The following MRE11 variants were observed in gnomAD, a reference collection of about 807,000 sequenced individuals.
MRE11 encodes MRE11 double strand break repair nuclease.
MRE11 carries 62 observed loss-of-function variants against 91.7 expected under a neutral mutation model. The ratio of observed to expected loss-of-function variants is 0.68; its 90% CI spans 0.55 to 0.84. MRE11 has a LOEUF of 0.84. Ranked by LOEUF, MRE11 falls within the 40% of genes least tolerant of loss-of-function variation. The pLI is 0.00. For synonymous variants in MRE11, 273 were observed against 271.4 expected (o/e 1.01, Z -0.06); for missense variants, 796 against 852.9 (o/e 0.93, Z 0.83).
At chr11:94,452,535 C>T (rs558512989) in intron 14 of MRE11, among the ~76,000 whole-genome samples, 1 of 152,256 alleles carries the variant, frequency 6.6e-6, no homozygotes, top group South Asian at 2.1e-4. Flanking sequence ...TAAATATGCC[C>T]TATTATGATT....
intron 18 of MRE11, among the ~76,000 whole-genome samples, chr11:94,434,737 T>C (rs773351666): frequency 1.3e-5 from 2 of 152,154 alleles, no homozygotes; most frequent in African/African-American, 2.4e-5. Flanking sequence ...GCACTCACAC[T>C]TATGGGTCTG....
At chr11:94,475,699 T>C (rs1414157946) in intron 7 of MRE11, 6 of 450,678 alleles carry the variant, frequency 1.3e-5, no homozygotes, top group Non-Finnish European at 2.7e-5. Flanking sequence ...GGAAGAACAC[T>C]TGCATATATG....
the MRE11 span, among the ~76,000 whole-genome samples, chr11:94,506,835 C>A: frequency 6.6e-6 from 1 of 152,112 alleles, no homozygotes; most frequent in Non-Finnish European, 1.5e-5. Flanking sequence ...AGCGATCCTC[C>A]TGCCTTGGCC....
intron 15 of MRE11, 24 bp from the exon 16 acceptor site, chr11:94,445,917 T>A: frequency 1.3e-6 from 2 of 1,533,536 alleles, no homozygotes; most frequent in Non-Finnish European, 1.8e-6. Context: ...GAACAGTCAA[T>A]GTACAAGCCT....
chr11:94,448,416 A>C (rs148094982), intron 14 of MRE11, among the ~76,000 whole-genome samples: 267 of 151,250 alleles, frequency 1.8e-3, no homozygotes, highest in Middle Eastern at 0.01. Context: ...GCCTCCACCA[A>C]AAATACAAAA....
chr11:94,428,329 G>A (rs954869059), intron 19 of MRE11, among the ~76,000 whole-genome samples: 7 of 152,068 alleles, frequency 4.6e-5, no homozygotes, highest in African/African-American at 1.7e-4. Context: ...TAGGATAACC[G>A]GCTAGCAATG....
intron 3 of MRE11, among the ~76,000 whole-genome samples, chr11:94,489,127 T>C (rs765437997): frequency 3.3e-5 from 5 of 151,926 alleles, no homozygotes; most frequent in Non-Finnish European, 7.4e-5. Flanking sequence ...AATAAATTAT[T>C]TCAGATAGTG....
chr11:94,478,711 A>C (rs747068601), intron 6 of MRE11, 24 bp downstream of exon 6: 55 of 1,610,966 alleles, frequency 3.4e-5, no homozygotes, highest in Admixed American at 1.8e-4. Context: ...CATGGACATA[A>C]ACAGTAAAAT....
chr11:94,464,538 C>A (rs1408966637), intron 10 of MRE11, among the ~76,000 whole-genome samples: 1 of 152,084 alleles, frequency 6.6e-6, no homozygotes, highest in Non-Finnish European at 1.5e-5. Flanking sequence ...AGGTACCTAC[C>A]AAGCAAACCA....
intron 6 of MRE11, among the ~76,000 whole-genome samples, chr11:94,478,399 G>C (rs1053605110): frequency 1.3e-5 from 2 of 152,102 alleles, no homozygotes; most frequent in Non-Finnish European, 2.9e-5. Flanking sequence ...TATTATGAAA[G>C]CTGCACAAAA....
At chr11:94,448,306 G>A (rs1946000151) in intron 14 of MRE11, among the ~76,000 whole-genome samples, 1 of 152,090 alleles carries the variant, frequency 6.6e-6, no homozygotes, top group Non-Finnish European at 1.5e-5. Flanking sequence ...GCTGGGCGCA[G>A]TGGCTCACAC....
rs1403179982 is a variant in MRE11 at position 94,420,132 on chromosome 11, C to T, written c.2120G>A (p.Arg707Lys). The change falls in exon 20 of 20, where the codon AGA becomes AAA. Residue 707 changes from arginine (R) to lysine (K), a missense_variant. Physicochemically the swap from Arg to Lys is conservative, Grantham distance 26. Coordinates refer to ENST00000323929, the MANE Select transcript of MRE11 (RefSeq NM_005591.4). Reference sequence around the variant, plus strand: ...TCAGTGCCATTAAATATATTATCTTCTATTTCTTCTTAAAGAACTAGTGTT... The same window carrying T: ...TCAGTGCCATTAAATATATTATCTTTTATTTCTTCTTAAAGAACTAGTGTT... ...FMNTSSLRRN[R>K]R is the part of the protein sequence containing the mutation. 1 of 1,571,342 alleles carries T rather than the reference C, an allele frequency of 6.4e-7. No homozygotes were observed. Among genetic ancestry groups the T allele is most frequent in the East Asian group, 2.3e-5 (1 of 44,442 alleles).
In MRE11 at chr11:94,476,330, A is replaced by G. The variant is rs786201438; in HGVS notation, c.618T>C (p.Asp206=). Residue 206 remains aspartate (D), a synonymous_variant, in exon 7 of 20, where the codon GAT becomes GAC. Coordinates refer to ENST00000323929, the MANE Select transcript of MRE11 (RefSeq NM_005591.4). ...KKVTMLRPKE[D]ENSWFNLFVI... ...CAAATAAGTTAAACCAAGAGTTCTC[A>G]TCTTCCTTTGGTCTCAACATTGTTA... 15 of 1,613,462 alleles carry G rather than the reference A, an allele frequency of 9.3e-6. No individual in the cohort carries two copies. Among genetic ancestry groups the G allele is most frequent in the Non-Finnish European group, 1.2e-5 (14 of 1,179,554 alleles).
chr11:94,459,909 G>C (rs190559230), intron 12 of MRE11, among the ~76,000 whole-genome samples: 7 of 152,116 alleles, frequency 4.6e-5, no homozygotes, highest in African/African-American at 1.7e-4. Context: ...TGGGACCTGT[G>C]AATACATGGC....
rs1228609222 is a variant in MRE11 at position 94,476,369 on chromosome 11, A to C, written c.579T>G (p.Phe193Leu). ...TCAACATTGTTACTTTTTTATTGAC[A>C]AACATTCGATAGAGCCTTTCATCTG... is the stretch of plus-strand genomic sequence containing the variant. ...SIPDERLYRMFVNKKVTMLRP... is the reference protein window; with the variant it reads ...SIPDERLYRMLVNKKVTMLRP... Residue 193 changes from phenylalanine (F) to leucine (L), a missense_variant, in exon 7 of 20, where the codon TTT (phenylalanine) becomes TTG (leucine). Phe to Leu is a conservative substitution (Grantham distance 22, BLOSUM62 0). Transcript: ENST00000323929. 1.2e-6 allele frequency: 2 copies of C among 1,612,812 alleles called. No homozygotes were observed. The highest frequency in any genetic ancestry group is 3.3e-5 in the Admixed American group (2 of 60,004).
chr11:94,459,801 A>G (rs1352822744), intron 12 of MRE11, among the ~76,000 whole-genome samples: 1 of 152,172 alleles, frequency 6.6e-6, no homozygotes, highest in Non-Finnish European at 1.5e-5. Flanking sequence ...TGGCTAGGAT[A>G]TGGAGTCCAA....
At chr11:94,463,677 A>G (rs1946480400) in intron 11 of MRE11, among the ~76,000 whole-genome samples, 1 of 152,092 alleles carries the variant, frequency 6.6e-6, no homozygotes, top group Admixed American at 6.5e-5. Context: ...AAACTACCGC[A>G]AGGACAGAAA....
intron 2 of MRE11, 141 bp downstream of exon 2, chr11:94,492,641 C>A (rs496797): frequency 7.4e-7 from 1 of 1,342,340 alleles, no homozygotes; most frequent in Non-Finnish European, 1.0e-6. Context: ...ATTCCAAATA[C>A]CCTTTTTGAT....
At chr11:94,461,106 T>C (rs1035856051) in intron 11 of MRE11, 70 bp from the exon 12 acceptor site, 3 of 1,332,218 alleles carry the variant, frequency 2.3e-6, no homozygotes, top group East Asian at 2.4e-5. Flanking sequence ...TCATTGCAAG[T>C]TGTCAGTGGA....
Sources: gnomAD v4.1 joint callset for allele counts (sites outside exome capture counted in the v4.1 genomes callset) on GRCh38, gnomAD v4.1.1 for gene constraint, MANE v1.5 for transcripts, NCBI Gene and HGNC (gene_info 2026-07-23, HGNC 2026-07-21) for gene names.